TTLL11: variants seen among roughly 807,000 people sequenced by gnomAD.
TTLL11 encodes the protein tubulin polyglutamylase TTLL11.
In TTLL11, 42 loss-of-function variants were observed where a neutral mutation model predicts 51.7. That is an observed-to-expected ratio of 0.81 (90% CI 0.64 to 1.05). The LOEUF (loss-of-function observed/expected upper bound fraction) is 1.05, where lower values mean the gene tolerates loss of function less well. TTLL11 is among the 50% of genes least tolerant of loss of function. TTLL11 has a pLI of 0.00. For synonymous variants in TTLL11, 381 were observed against 383.5 expected (o/e 0.99, Z 0.08); for missense variants, 799 against 940.4 (o/e 0.85, Z 1.97).
chr9:121,932,752 A>G (rs1273842615), intron 6 of TTLL11, among the ~76,000 whole-genome samples: 7 of 152,186 alleles, frequency 4.6e-5, no homozygotes, highest in Non-Finnish European at 1.0e-4. Context: ...GAGGATCAGT[A>G]AGGTCTGAGT....
chr9:122,026,382 G>A (rs1186319614), intron 3 of TTLL11, among the ~76,000 whole-genome samples: 3 of 149,524 alleles, frequency 2.0e-5, no homozygotes. Flanking sequence ...AGGTTGTAGT[G>A]AGCCAAGATC....
chr9:121,932,913 T>G (rs1841048706), intron 6 of TTLL11, among the ~76,000 whole-genome samples: 1 of 152,142 alleles, frequency 6.6e-6, no homozygotes, highest in Non-Finnish European at 1.5e-5. Flanking sequence ...TGCAGATGCT[T>G]TTCTTCCTGA....
chr9:121,897,660 A>T (rs1317668754), intron 6 of TTLL11, among the ~76,000 whole-genome samples: 1 of 139,130 alleles, frequency 7.2e-6, no homozygotes, highest in African/African-American at 2.9e-5. Flanking sequence ...GAAGTCTCCA[A>T]CTGCCCCGGG....
At chr9:121,965,459 T>G (rs926308958) in intron 6 of TTLL11, among the ~76,000 whole-genome samples, 1 of 152,184 alleles carries the variant, frequency 6.6e-6, no homozygotes, top group African/African-American at 2.4e-5. Flanking sequence ...AATTCACTCG[T>G]TATCACGAGA....
At chr9:121,826,153 AATATAT>A (rs10562547) in intron 8 of TTLL11, among the ~76,000 whole-genome samples, 8 of 70,944 alleles carry the variant, frequency 1.1e-4, no homozygotes, top group Non-Finnish European at 1.5e-4. Context: ...ATCAAAGTAG[AATATAT>A]ATATATATAT....
intron 6 of TTLL11, among the ~76,000 whole-genome samples, chr9:121,916,075 T>C (rs1276525084): frequency 6.7e-6 from 1 of 149,822 alleles, no homozygotes; most frequent in Non-Finnish European, 1.5e-5. Flanking sequence ...TGTGAAAAAG[T>C]AGAAATAACT....
chr9:121,849,700 AC>A (rs2131366655), intron 8 of TTLL11, among the ~76,000 whole-genome samples: 1 of 152,346 alleles, frequency 6.6e-6, no homozygotes, highest in Non-Finnish European at 1.5e-5. Flanking sequence ...ATGAGGTGGC[AC>A]TATATACCTA....
At chr9:122,087,844 T>C (rs77105742) in intron 1 of TTLL11, among the ~76,000 whole-genome samples, 6,514 of 152,308 alleles carry the variant, frequency 0.043, 172 homozygotes, top group South Asian at 0.057. Flanking sequence ...AAACCATGCC[T>C]TTCTTTCATG....
intron 8 of TTLL11, among the ~76,000 whole-genome samples, chr9:121,823,612 T>G (rs571232669): frequency 6.6e-6 from 1 of 152,276 alleles, no homozygotes; most frequent in African/African-American, 2.4e-5. Context: ...TATGAAGATA[T>G]GAAGATAAAC....
chr9:121,844,537 C>T (rs1837458048), intron 8 of TTLL11, among the ~76,000 whole-genome samples: 1 of 152,088 alleles, frequency 6.6e-6, no homozygotes, highest in African/African-American at 2.4e-5. Context: ...GCATGAGAAA[C>T]AAACTCAAGT....
Position 121,822,844 on chromosome 9 carries a change from A to C in TTLL11, c.1876T>G (p.Phe626Val), listed in dbSNP as rs1201599248. The change falls in exon 9 of 9, where the codon TTC becomes GTC. Residue 626 changes from phenylalanine to valine, a missense_variant. Phe to Val is a conservative substitution (Grantham distance 50, BLOSUM62 -1). This residue lies in a region of TTLL11 where 165 missense variants were observed against 166.1 expected (regional missense o/e 0.99). Transcript: ENST00000321582. The surrounding 1 kb of genome is among the most constrained non-coding windows in gnomAD (Gnocchi z 5.8). ...CLQAFVEAFF[F>V]LAQRKFKMLP... ...ATCTTGAACTTCCTCTGAGCCAGGAAAAAGAAAGCTTCTACGAAGGCCTGC... is the reference window on the plus strand; with the variant it reads ...ATCTTGAACTTCCTCTGAGCCAGGACAAAGAAAGCTTCTACGAAGGCCTGC... The C allele has an allele frequency of 1.3e-6, 2 of 1,551,446 alleles. No homozygotes were observed. Among genetic ancestry groups the C allele is most frequent in the Non-Finnish European group, 1.7e-6 (2 of 1,146,902 alleles).
At chr9:122,018,709 T>C (rs1413997408) in intron 3 of TTLL11, among the ~76,000 whole-genome samples, 1 of 152,204 alleles carries the variant, frequency 6.6e-6, no homozygotes, top group South Asian at 2.1e-4. Flanking sequence ...TCTTATTCTG[T>C]ATGCGCCAGG....
intron 6 of TTLL11, among the ~76,000 whole-genome samples, chr9:121,928,092 G>A (rs1840812164): frequency 6.6e-6 from 1 of 152,148 alleles, no homozygotes; most frequent in Admixed American, 6.5e-5. Context: ...GTAGATGATG[G>A]AGAAGCGTGG....
At chr9:121,990,909 G>A (rs184542153) in intron 3 of TTLL11, among the ~76,000 whole-genome samples, 19 of 152,236 alleles carry the variant, frequency 1.2e-4, no homozygotes, top group African/African-American at 4.6e-4. Flanking sequence ...ATTCATCCTC[G>A]CCCCATTGCC....
intron 2 of TTLL11, among the ~76,000 whole-genome samples, chr9:122,032,631 G>C (rs958556729): frequency 6.8e-6 from 1 of 147,670 alleles, no homozygotes; most frequent in African/African-American, 2.5e-5. Context: ...CTGGGCAACA[G>C]AGCAGGACTC....
At chr9:121,913,715 A>G (rs1840224551) in intron 6 of TTLL11, among the ~76,000 whole-genome samples, 1 of 152,214 alleles carries the variant, frequency 6.6e-6, no homozygotes, top group Admixed American at 6.5e-5. Flanking sequence ...AAGGCTATGC[A>G]TAAGGAAGAC....
rs111242748 is a variant in TTLL11 at position 121,816,646 on chromosome 9, ATGCGTGTGTGTGCATGTG to A, written c.*5923_*5940del. 10,301 of 149,568 alleles carry A rather than the reference ATGCGTGTGTGTGCATGTG, an allele frequency of 0.069. 796 individuals are homozygous for A. Among genetic ancestry groups the A allele is most frequent in the African/African-American group, 0.2 (8,086 of 40,454 alleles). The allele number at this position is 149,568 out of a possible 1,614,324, so 9.3% of individuals were successfully genotyped here. A position where few individuals can be genotyped will look rare whatever the true frequency, so the allele number is the denominator to read the frequency against. Reference sequence around the variant, plus strand: ...GTGCATGTGTGGTGTGTGCGCGCACATGCGTGTGTGTGCATGTGTGCGTGTGTGCATGCGTGTGCATCG... The same window carrying A: ...GTGCATGTGTGGTGTGTGCGCGCACATGCGTGTGTGCATGCGTGTGCATCG... On this transcript the variant is annotated 3_prime_UTR_variant, in exon 9 of 9. Transcript: ENST00000321582.
intron 6 of TTLL11, among the ~76,000 whole-genome samples, chr9:121,939,257 GTTTA>G (rs1402584332): frequency 6.6e-6 from 1 of 152,050 alleles, no homozygotes; most frequent in Admixed American, 6.5e-5. Context: ...TATAATCCCA[GTTTA>G]TTTATAATAT....
At chr9:121,881,470 C>A (rs1269911807) in intron 6 of TTLL11, among the ~76,000 whole-genome samples, 2 of 152,338 alleles carry the variant, frequency 1.3e-5, no homozygotes, top group East Asian at 3.9e-4. Flanking sequence ...GATACTCCCT[C>A]TTCAGATTGC....
Sources: gnomAD v4.1 joint callset for allele counts (sites outside exome capture counted in the v4.1 genomes callset) on GRCh38, gnomAD v4.1.1 for gene constraint, gnomAD v4.1.1 regional missense constraint, Gnocchi (gnomAD v3.1) non-coding constraint, MANE v1.5 for transcripts, NCBI Gene and HGNC (gene_info 2026-07-23, HGNC 2026-07-21) for gene names.